EPS15L1: variants seen among roughly 807,000 people sequenced by gnomAD.
The protein encoded by EPS15L1 is epidermal growth factor receptor substrate 15-like 1.
Under a neutral mutation model 117.1 loss-of-function variants are expected in EPS15L1, and 43 were observed. The ratio of observed to expected loss-of-function variants is 0.37; its 90% CI spans 0.29 to 0.47. The LOEUF is 0.47. Ranked by LOEUF, EPS15L1 falls within the 20% of genes least tolerant of loss-of-function variation. The pLI is 0.99. For synonymous variants in EPS15L1, 459 were observed against 470.5 expected, an observed-to-expected ratio of 0.98 and a Z score of 0.32; for missense variants, 981 against 1,164.0, an observed-to-expected ratio of 0.84 and a Z score of 2.29.
intron 8 of EPS15L1, among the ~76,000 whole-genome samples, chr19:16,428,208 A>AAAAGAAAG (rs575991675): frequency 6.7e-6 from 1 of 149,008 alleles, no homozygotes; most frequent in African/African-American, 2.5e-5. Flanking sequence ...ATCAAAAAAA[A>AAAAGAAAG]AAAGAAAGAA....
chr19:16,403,516 A>G (rs1163557695), intron 15 of EPS15L1, among the ~76,000 whole-genome samples: 1 of 152,128 alleles, frequency 6.6e-6, no homozygotes, highest in Non-Finnish European at 1.5e-5. Flanking sequence ...TGTGCTCAGG[A>G]AAGGAAAGTG....
intron 1 of EPS15L1, among the ~76,000 whole-genome samples, chr19:16,457,779 C>A (rs1406060860): frequency 2.0e-5 from 3 of 152,122 alleles, no homozygotes; most frequent in African/African-American, 7.2e-5. Context: ...TCTCAGAGAA[C>A]AGACCTATTC....
At position 16,461,379 on chromosome 19, in the gene EPS15L1, C is replaced by T. The variant is rs1015546835; in HGVS notation, c.33+10534G>A. ...CTGACACATGCAATCCCAGCACTTT[C>T]GGAGGCCGAGGCAGGTGGATCGCTT... On this transcript the variant is annotated intron_variant, in intron 1 of 23. Coordinates refer to ENST00000455140, the MANE Select transcript of EPS15L1 (RefSeq NM_001258374.3). Among the ~76,000 whole-genome samples, 5 of 149,668 alleles carry T rather than the reference C, an allele frequency of 3.3e-5. No homozygotes were observed. The East Asian group carries it at 8.0e-4, about 24-fold the overall frequency.
intron 6 of EPS15L1, among the ~76,000 whole-genome samples, chr19:16,436,027 C>T (rs1229385313): frequency 2.0e-5 from 3 of 152,138 alleles, no homozygotes; most frequent in Non-Finnish European, 4.4e-5. Context: ...AGGGAGAAAC[C>T]CTTCACCACA....
chr19:16,366,430 C>T (rs1038499451), intron 22 of EPS15L1, among the ~76,000 whole-genome samples: 2 of 152,044 alleles, frequency 1.3e-5, no homozygotes, highest in South Asian at 2.1e-4. Context: ...TTGGGAGGAG[C>T]GGTTAAGAAT....
intron 15 of EPS15L1, 130 bp from the exon 16 acceptor site, chr19:16,402,615 C>A: frequency 1.2e-6 from 1 of 866,644 alleles, no homozygotes; most frequent in Admixed American, 3.3e-5. Flanking sequence ...GATCATAGCT[C>A]ACTGTAGCCT....
At position 16,436,817 on chromosome 19, in the gene EPS15L1, A is replaced by G. The variant is rs1233512471; in HGVS notation, c.372+120T>C. 8 of 761,508 alleles carry G rather than the reference A, an allele frequency of 1.1e-5. No homozygotes were observed. The African/African-American group carries it at 1.4e-4, about 13-fold the overall frequency. The allele number at this position is 761,508 out of a possible 1,614,324, so 47.2% of individuals were successfully genotyped here. On this transcript the variant is annotated intron_variant, in intron 6 of 23. Coordinates refer to ENST00000455140, the MANE Select transcript of EPS15L1 (RefSeq NM_001258374.3). ...CTGAGACAGAAGAGCTGACACAATCATCCTATAAAATGTTCTGAACAACAT... is the reference window on the plus strand; with the variant it reads ...CTGAGACAGAAGAGCTGACACAATCGTCCTATAAAATGTTCTGAACAACAT...
rs745966861 is a variant in EPS15L1, at chr19:16,386,123, C to T, written c.2164+48G>A. 6 of 1,442,976 alleles carry T rather than the reference C, an allele frequency of 4.2e-6. No homozygotes were observed. The African/African-American group carries it at 8.5e-5, about 20-fold the overall frequency. The allele number at this position is 1,442,976 out of a possible 1,614,324, so 89.4% of individuals were successfully genotyped here. ...AAGTGTTAACTGCGGGGGAGCTCTG[C>T]TACTGCCCAAGGAATAGTCAGGAAG... On this transcript the variant is annotated intron_variant, in intron 20 of 23. Transcript: ENST00000455140.
At position 16,437,878 on chromosome 19, in the gene EPS15L1, A is replaced by C. The variant is rs2092992961; in HGVS notation, c.214-13T>G. 1 of 1,607,416 alleles carries C rather than the reference A, an allele frequency of 6.2e-7. No individual in the cohort carries two copies. Among genetic ancestry groups the C allele is most frequent in the Non-Finnish European group, 8.5e-7 (1 of 1,174,044 alleles). ...CAACATAGAAACCCTGCAAGTCCAA[A>C]GAAAGGGAAGGAGTAAACAGCATAT... On this transcript the variant is annotated splice_polypyrimidine_tract_variant and intron_variant, in intron 4 of 23. Coordinates refer to ENST00000455140, the MANE Select transcript of EPS15L1 (RefSeq NM_001258374.3).
rs2144648149 is a variant in EPS15L1 at position 16,365,415 on chromosome 19, G to C, written c.2381-3431C>G. Among the ~76,000 whole-genome samples, 1 of 152,350 alleles carries C rather than the reference G, an allele frequency of 6.6e-6. No individual in the cohort carries two copies. The highest frequency in any genetic ancestry group is 6.5e-5 in the Admixed American group (1 of 15,304). On this transcript the variant is annotated intron_variant, in intron 22 of 23. Transcript: ENST00000455140. The surrounding 1 kb of genome is among the most constrained non-coding windows in gnomAD (Gnocchi z 4.9). ...AACTTAGGACACAGATCTACACACA[G>C]AACAGCAATGTGAAGATGCACCAGG...
chr19:16,385,084 C>G, intron 21 of EPS15L1, 45 bp downstream of exon 21: 2 of 1,480,948 alleles, frequency 1.4e-6, no homozygotes, highest in South Asian at 2.3e-5. Flanking sequence ...ACAAGAGGCA[C>G]AAAGACACTA....
chr19:16,416,324 C>G (rs896137957), intron 12 of EPS15L1, among the ~76,000 whole-genome samples: 3 of 152,152 alleles, frequency 2.0e-5, no homozygotes, highest in African/African-American at 7.2e-5. Context: ...AGAGTCCACC[C>G]TGTCCTAGAA....
chr19:16,385,078 G>A (rs1215041114), intron 21 of EPS15L1, 51 bp downstream of exon 21: 1 of 1,405,212 alleles, frequency 7.1e-7, no homozygotes, highest in Non-Finnish European at 1.0e-6. Context: ...ACCATGACAA[G>A]AGGCACAAAG....
chr19:16,362,041 C>T, intron 22 of EPS15L1, 57 bp from the exon 23 acceptor site: 1 of 1,491,350 alleles, frequency 6.7e-7, no homozygotes, highest in Non-Finnish European at 8.9e-7. Context: ...GTTACTCACC[C>T]GGACAGAGCA....
intron 9 of EPS15L1, among the ~76,000 whole-genome samples, chr19:16,424,161 G>A (rs1395688460): frequency 6.6e-6 from 1 of 152,228 alleles, no homozygotes; most frequent in East Asian, 1.9e-4. Flanking sequence ...CCTGGCATGA[G>A]GGCAAAATCG....
chr19:16,456,113 T>C (rs1038845504), intron 1 of EPS15L1, among the ~76,000 whole-genome samples: 5 of 151,988 alleles, frequency 3.3e-5, no homozygotes, highest in Non-Finnish European at 7.4e-5. Context: ...GGCAGAAGAA[T>C]CATTTGAACC....
intron 1 of EPS15L1, among the ~76,000 whole-genome samples, chr19:16,462,930 G>A (rs2145187462): frequency 6.6e-6 from 1 of 152,316 alleles, no homozygotes; most frequent in African/African-American, 2.4e-5. Context: ...CCCAGTGGAG[G>A]TGATTCATCC....
At chr19:16,422,953 G>A (rs578111448) in intron 9 of EPS15L1, among the ~76,000 whole-genome samples, 109 of 134,042 alleles carry the variant, frequency 8.1e-4, no homozygotes, top group African/African-American at 2.7e-3. Context: ...GCAAGACTCC[G>A]TCTCGGGGAA....
At chr19:16,414,937 G>C (rs999754846) in intron 12 of EPS15L1, among the ~76,000 whole-genome samples, 5 of 152,008 alleles carry the variant, frequency 3.3e-5, no homozygotes, top group African/African-American at 1.2e-4. Context: ...GACCTCCTGG[G>C]CTCAACCGAT....
Sources: allele counts gnomAD v4.1 joint callset (sites outside exome capture counted in the v4.1 genomes callset), GRCh38; gene constraint gnomAD v4.1.1; non-coding constraint Gnocchi (gnomAD v3.1); transcripts MANE v1.5; gene names NCBI Gene and HGNC (gene_info 2026-07-23, HGNC 2026-07-21).